Variants in CSMD2 observed in about 807,000 individuals in gnomAD.
CSMD2 encodes CUB and sushi domain-containing protein 2.
CSMD2 carries 130 observed loss-of-function variants against 398.5 expected under a neutral mutation model. That is an observed-to-expected ratio of 0.33 (90% confidence interval 0.28 to 0.38). The LOEUF is 0.38. Ranked by LOEUF, CSMD2 falls within the 10% of genes least tolerant of loss-of-function variation. CSMD2 has a pLI of 1.00. For missense variants in CSMD2, 3,829 were observed against 4,764.9 expected (o/e 0.80, Z 5.78); for synonymous variants, 1,828 against 1,908.5 (o/e 0.96, Z 1.10).
At chr1:34,140,474 C>G (rs895106660) in intron 1 of CSMD2, among the ~76,000 whole-genome samples, 13 of 152,124 alleles carry the variant, frequency 8.5e-5, no homozygotes, top group Non-Finnish European at 1.8e-4. Flanking sequence ...AGCTTCAAGG[C>G]AAGTGTTCTC....
rs150464002 is a variant in CSMD2, at chr1:33,639,750, G to A, written c.4775-3196C>T. Among the ~76,000 whole-genome samples, 1,012 of 152,230 alleles carry A rather than the reference G, an allele frequency of 6.6e-3. 5 individuals carry two copies. The highest frequency in any genetic ancestry group is 8.1e-3 in the Non-Finnish European group (551 of 68,016). On this transcript the variant is annotated intron_variant, in intron 29 of 70. Coordinates refer to ENST00000373381, the MANE Select transcript of CSMD2 (RefSeq NM_001281956.2). ...GACTCTATTCTATATTTACTCACAC[G>A]TAAGAGAAAGATGAGCTCATCATCC...
At position 33,925,421 on chromosome 1, in the gene CSMD2, A is replaced by G. The variant is rs983691144; in HGVS notation, c.713-7120T>C. ...TTGGTCTGTGTCTGTTTTTATACTA[A>G]TACCATCCTGTTTTGGTTATTATAG... On this transcript the variant is annotated intron_variant, in intron 4 of 70. Coordinates refer to ENST00000373381, the MANE Select transcript of CSMD2 (RefSeq NM_001281956.2). 4.6e-5 allele frequency among the ~76,000 whole-genome samples: 7 copies of G among 152,236 alleles called. No individual in the cohort carries two copies. The South Asian group carries it at 6.2e-4, about 14-fold the overall frequency.
intron 49 of CSMD2, among the ~76,000 whole-genome samples, chr1:33,573,622 A>G (rs1348523286): frequency 6.6e-6 from 1 of 151,252 alleles, no homozygotes; most frequent in East Asian, 1.9e-4. Flanking sequence ...CAGAATATAG[A>G]AAAAAAAGAG....
At chr1:33,767,106 T>G (rs1212826596) in intron 13 of CSMD2, among the ~76,000 whole-genome samples, 1 of 152,230 alleles carries the variant, frequency 6.6e-6, no homozygotes, top group Non-Finnish European at 1.5e-5. Flanking sequence ...GTTGAATAAG[T>G]CATGGTTTAT....
intron 2 of CSMD2, among the ~76,000 whole-genome samples, chr1:34,033,227 A>G (rs1650684167): frequency 1.3e-5 from 2 of 152,372 alleles, no homozygotes; most frequent in South Asian, 4.1e-4. Flanking sequence ...AAAAACCAAC[A>G]CAATCTAGAA....
chr1:33,602,923 A>G (rs1163119438), intron 42 of CSMD2, among the ~76,000 whole-genome samples: 1 of 152,214 alleles, frequency 6.6e-6, no homozygotes, highest in Non-Finnish European at 1.5e-5. Flanking sequence ...GGGAAGAGCT[A>G]AGAAATTAGG....
chr1:33,689,914 ATTG>A (rs1407033087), intron 25 of CSMD2, among the ~76,000 whole-genome samples: 2 of 152,166 alleles, frequency 1.3e-5, no homozygotes, highest in African/African-American at 4.8e-5. Flanking sequence ...TACTTGGTGT[ATTG>A]TTGTCACAAA....
At chr1:33,814,905 G>A (rs918689333) in intron 9 of CSMD2, among the ~76,000 whole-genome samples, 6 of 151,864 alleles carry the variant, frequency 4.0e-5, no homozygotes, top group Non-Finnish European at 7.4e-5. Context: ...ATTGATCCTC[G>A]CCTGACCCCT....
At chr1:33,993,178 T>C (rs962786485) in intron 3 of CSMD2, among the ~76,000 whole-genome samples, 1 of 152,134 alleles carries the variant, frequency 6.6e-6, no homozygotes. Flanking sequence ...ACCTGGAAGG[T>C]TACGCATCAA....
chr1:33,606,050 C>G (rs1640583517), intron 41 of CSMD2: 1 of 1,553,144 alleles, frequency 6.4e-7, no homozygotes, highest in East Asian at 2.3e-5. Flanking sequence ...GTGGCTGTCA[C>G]AAAGCAAGTC....
intron 28 of CSMD2, among the ~76,000 whole-genome samples, chr1:33,647,101 G>A (rs1354102220): frequency 6.6e-6 from 1 of 152,148 alleles, no homozygotes; most frequent in East Asian, 1.9e-4. Flanking sequence ...AAAACCTAAC[G>A]TCCTCCTTAT....
intron 49 of CSMD2, among the ~76,000 whole-genome samples, chr1:33,573,759 G>T (rs1261023441): frequency 1.3e-5 from 2 of 152,194 alleles, no homozygotes; most frequent in Non-Finnish European, 2.9e-5. Flanking sequence ...TATCATAGAT[G>T]AAAATTTCTC....
At chr1:34,055,313 A>G (rs561018274) in intron 2 of CSMD2, among the ~76,000 whole-genome samples, 2 of 152,316 alleles carry the variant, frequency 1.3e-5, no homozygotes, top group South Asian at 2.1e-4. Context: ...ACAAGCAATC[A>G]TTTCTGCAGT....
chr1:33,704,803 C>A (rs1450683040), intron 22 of CSMD2, among the ~76,000 whole-genome samples: 1 of 152,150 alleles, frequency 6.6e-6, no homozygotes, highest in Admixed American at 6.6e-5. Context: ...TCTCTGTCAC[C>A]CAGGCTGGAG....
chr1:33,572,440 G>T, intron 50 of CSMD2, 66 bp downstream of exon 50: 15 of 1,343,864 alleles, frequency 1.1e-5, no homozygotes, highest in South Asian at 7.6e-5. Flanking sequence ...CTCACTCCTT[G>T]CAGGAATCTT....
At chr1:33,818,548 A>G (rs1488211064) in intron 9 of CSMD2, among the ~76,000 whole-genome samples, 1 of 152,226 alleles carries the variant, frequency 6.6e-6, no homozygotes, top group East Asian at 1.9e-4. Flanking sequence ...AAAATGGGTG[A>G]TTTGCCCAAT....
chr1:33,921,131 TTC>T (rs1281634283), intron 4 of CSMD2, among the ~76,000 whole-genome samples: 1 of 152,004 alleles, frequency 6.6e-6, no homozygotes, highest in African/African-American at 2.4e-5. Context: ...GGAGCTGAGG[TTC>T]TGTTCTCCTC....
chr1:33,571,142 C>T (rs1250844001), intron 51 of CSMD2, among the ~76,000 whole-genome samples: 1 of 152,202 alleles, frequency 6.6e-6, no homozygotes, highest in East Asian at 1.9e-4. Context: ...TCTTATCGCA[C>T]CACATTATCA....
At chr1:33,748,253 G>C (rs1026947942) in intron 13 of CSMD2, among the ~76,000 whole-genome samples, 1 of 152,160 alleles carries the variant, frequency 6.6e-6, no homozygotes, top group Admixed American at 6.5e-5. Context: ...ATTTCTGTAA[G>C]AGAATAGGAA....
Sources: allele counts gnomAD v4.1 joint callset (sites outside exome capture counted in the v4.1 genomes callset), GRCh38; gene constraint gnomAD v4.1.1; transcripts MANE v1.5; gene names NCBI Gene and HGNC (gene_info 2026-07-23, HGNC 2026-07-21).